Variants in ZFP1 observed in about 807,000 individuals in gnomAD.
ZFP1 encodes the protein zinc finger protein 1 homolog.
Under a neutral mutation model 38.5 loss-of-function variants are expected in ZFP1, and 32 were observed. The observed-to-expected ratio is 0.83, with a 90% CI of 0.63 to 1.12. The LOEUF (loss-of-function observed/expected upper bound fraction) is 1.12. Among genes scored for constraint, ZFP1 ranks in the 50% most tolerant of loss-of-function variants. The pLI is 0.00. For synonymous variants in ZFP1, 245 were observed against 168.8 expected (o/e 1.45, Z -3.50); for missense variants, 616 against 480.8 (o/e 1.28, Z -2.63).
chr16:75,140,902 T>C, the ZFP1 span, among the ~76,000 whole-genome samples: 10 of 151,886 alleles, frequency 6.6e-5, no homozygotes, highest in Non-Finnish European at 1.3e-4. Flanking sequence ...GAGCTTGCAG[T>C]GAGCCGAGAT....
At chr16:75,124,555 G>A in the ZFP1 span, among the ~76,000 whole-genome samples, 11 of 150,002 alleles carry the variant, frequency 7.3e-5, 1 homozygote, top group South Asian at 6.3e-4. Context: ...AGGCTGAGGC[G>A]GGTGGATCAT....
the ZFP1 span, among the ~76,000 whole-genome samples, chr16:75,138,108 C>G: frequency 8.0e-6 from 1 of 125,710 alleles, no homozygotes; most frequent in African/African-American, 3.1e-5. Context: ...GTGATCTTGG[C>G]TCACTGCAAC....
chr16:75,163,237 TAATG>T (rs1347084385), intron 2 of ZFP1, among the ~76,000 whole-genome samples: 1 of 152,066 alleles, frequency 6.6e-6, no homozygotes, highest in Non-Finnish European at 1.5e-5. Context: ...AATCATACAT[TAATG>T]TTGTCTCTTA....
At position 75,171,026 on chromosome 16, in the gene ZFP1, T is replaced by A. The variant is rs2038399256; in HGVS notation, c.*692T>A. 1 of 21,156 alleles carries A rather than the reference T, an allele frequency of 4.7e-5. No individual in the cohort carries two copies. The highest frequency in any genetic ancestry group is 1.9e-4 in the Non-Finnish European group (1 of 5,294). The allele number at this position is 21,156 out of a possible 1,614,324, so 1.3% of individuals were successfully genotyped here. Reference sequence around the variant, plus strand: ...AGCACTATTTACACAAATATGCAAATGTGAAATAACCGATCTATAACGTGA... The same window carrying A: ...AGCACTATTTACACAAATATGCAAAAGTGAAATAACCGATCTATAACGTGA... On this transcript the variant is annotated 3_prime_UTR_variant, in exon 4 of 4. Coordinates refer to ENST00000570010, the MANE Select transcript of ZFP1 (RefSeq NM_153688.4).
chr16:75,168,329 A>G (rs926808207), intron 3 of ZFP1, among the ~76,000 whole-genome samples: 1 of 152,098 alleles, frequency 6.6e-6, no homozygotes, highest in East Asian at 1.9e-4. Context: ...TATCCTTAAG[A>G]TGCTGAACAC....
At chr16:75,132,488 C>T in the ZFP1 span, 1 of 151,668 alleles carries the variant, frequency 6.6e-6, no homozygotes, top group African/African-American at 2.4e-5. Context: ...CTCTGTATTT[C>T]TTATGAACTA....
At chr16:75,121,319 G>C in the ZFP1 span, among the ~76,000 whole-genome samples, 1 of 151,792 alleles carries the variant, frequency 6.6e-6, no homozygotes, top group Non-Finnish European at 1.5e-5. Flanking sequence ...TAGAGACGGG[G>C]TTTCGCCGTG....
At chr16:75,145,160 C>T (rs981765376), upstream of ZFP1, among the ~76,000 whole-genome samples, 3 of 152,180 alleles carry the variant, frequency 2.0e-5, no homozygotes, top group Non-Finnish European at 2.9e-5. Context: ...CTGCTATGAA[C>T]ATTGGTGTAA....
chr16:75,149,447 C>G (rs2037067255), intron 1 of ZFP1, among the ~76,000 whole-genome samples: 1 of 152,172 alleles, frequency 6.6e-6, no homozygotes, highest in Non-Finnish European at 1.5e-5. Flanking sequence ...CTGGTGCAGT[C>G]ACGCTCTGCG....
At chr16:75,121,509 A>G in the ZFP1 span, among the ~76,000 whole-genome samples, 2 of 152,116 alleles carry the variant, frequency 1.3e-5, no homozygotes, top group South Asian at 2.1e-4. Context: ...GTACCTTATG[A>G]TGTAAATTTT....
At chr16:75,160,822 C>G (rs988616454) in intron 2 of ZFP1, among the ~76,000 whole-genome samples, 9 of 151,930 alleles carry the variant, frequency 5.9e-5, no homozygotes, top group African/African-American at 1.7e-4. Flanking sequence ...TGGCAGAAAG[C>G]AAAAGGGCAA....
At chr16:75,162,522 A>G (rs1244120227) in intron 2 of ZFP1, among the ~76,000 whole-genome samples, 1 of 152,136 alleles carries the variant, frequency 6.6e-6, no homozygotes, top group Non-Finnish European at 1.5e-5. Context: ...TTTTTTTTAA[A>G]TATAATTTCA....
chr16:75,126,641 G>A, the ZFP1 span, among the ~76,000 whole-genome samples: 1 of 152,178 alleles, frequency 6.6e-6, no homozygotes, highest in Middle Eastern at 3.2e-3. Context: ...GACCTCAGGT[G>A]ATCCACCCAC....
At position 75,170,200 on chromosome 16, in the gene ZFP1, A is replaced by C; in HGVS notation, c.1090A>C (p.Arg364=). 1 of 1,614,192 alleles carries C rather than the reference A, an allele frequency of 6.2e-7. No homozygotes were observed. The highest frequency in any genetic ancestry group is 8.5e-7 in the Non-Finnish European group (1 of 1,180,018). The change falls in exon 4 of 4, where the codon AGG becomes CGG. Residue 364 remains arginine (R), a synonymous_variant. Coordinates refer to ENST00000570010, the MANE Select transcript of ZFP1 (RefSeq NM_153688.4). Reference sequence around the variant, plus strand: ...TGAGTGCGGCAAAACTTTCAGCCAGAGGTCAACTCTTAGATTACACTTGCG... The same window carrying C: ...TGAGTGCGGCAAAACTTTCAGCCAGCGGTCAACTCTTAGATTACACTTGCG... ...CTECGKTFSQ[R]STLRLHLRIH...
At chr16:75,166,365 C>T (rs899995291) in intron 2 of ZFP1, among the ~76,000 whole-genome samples, 3 of 152,190 alleles carry the variant, frequency 2.0e-5, no homozygotes, top group African/African-American at 7.2e-5. Context: ...CCCCACGTAG[C>T]TGGGAGTACA....
At chr16:75,143,335 G>A in the ZFP1 span, among the ~76,000 whole-genome samples, 24 of 151,794 alleles carry the variant, frequency 1.6e-4, no homozygotes, top group South Asian at 6.2e-4. Context: ...TCCGCCCCTC[G>A]AGTTCAAGCA....
At chr16:75,147,628 T>C (rs1030927682), upstream of ZFP1, among the ~76,000 whole-genome samples, 5 of 152,090 alleles carry the variant, frequency 3.3e-5, no homozygotes, top group African/African-American at 7.2e-5. Flanking sequence ...TTGTAACAAA[T>C]ACACTGTTCT....
At chr16:75,143,647 CTTTTTTTTTTT>C (rs386385080), upstream of ZFP1, among the ~76,000 whole-genome samples, 2 of 93,794 alleles carry the variant, frequency 2.1e-5, no homozygotes, top group Non-Finnish European at 3.9e-5. Flanking sequence ...GGAGGTGAAT[CTTTTTTTTTTT>C]TTTTTTTTTT....
the ZFP1 span, among the ~76,000 whole-genome samples, chr16:75,121,267 A>G: frequency 6.6e-6 from 1 of 151,068 alleles, no homozygotes; most frequent in South Asian, 2.1e-4. Context: ...CTGGGACTAC[A>G]GGCGCCCACC....
Sources: gnomAD v4.1 joint callset for allele counts (sites outside exome capture counted in the v4.1 genomes callset) on GRCh38, gnomAD v4.1.1 for gene constraint, MANE v1.5 for transcripts, NCBI Gene and HGNC (gene_info 2026-07-23, HGNC 2026-07-21) for gene names.